CLTCL1: variants seen among roughly 807,000 people sequenced by gnomAD.
CLTCL1 encodes the protein clathrin heavy chain like 1, also known as clathrin heavy chain 2.
A neutral mutation model predicts 190.0 loss-of-function variants in CLTCL1; 159 were observed. That is an observed-to-expected ratio of 0.84 (90% CI 0.74 to 0.95). CLTCL1 has a LOEUF of 0.95. CLTCL1 is among the 40% of genes least tolerant of loss of function. The pLI, the probability that CLTCL1 is intolerant of heterozygous loss-of-function variation, is 0.00. For missense variants in CLTCL1, 1,878 were observed against 2,033.4 expected, an observed-to-expected ratio of 0.92 and a Z score of 1.47; for synonymous variants, 752 against 769.6, an observed-to-expected ratio of 0.98 and a Z score of 0.38.
At chr22:19,193,354 G>A (rs1601463335) in intron 26 of CLTCL1, among the ~76,000 whole-genome samples, 1 of 152,334 alleles carries the variant, frequency 6.6e-6, no homozygotes, top group Admixed American at 6.5e-5. Context: ...ACACATCTCT[G>A]TTGGGCTCAG....
At chr22:19,275,361 T>C (rs1047122616) in intron 2 of CLTCL1, among the ~76,000 whole-genome samples, 4 of 150,784 alleles carry the variant, frequency 2.7e-5, no homozygotes, top group African/African-American at 9.8e-5. Flanking sequence ...TGTGCGTTCC[T>C]AGTCGCATGA....
At chr22:19,254,309 C>A (rs777296072) in intron 2 of CLTCL1, 82 bp from the exon 3 acceptor site, 3 of 1,193,914 alleles carry the variant, frequency 2.5e-6, no homozygotes, top group Non-Finnish European at 3.5e-6. Context: ...ATTCTGAATT[C>A]TTTTAATATT....
At chr22:19,220,362 A>G (rs2085528928) in intron 17 of CLTCL1, among the ~76,000 whole-genome samples, 2 of 152,214 alleles carry the variant, frequency 1.3e-5, no homozygotes, top group African/African-American at 4.8e-5. Flanking sequence ...GACAGGAACT[A>G]AACTGGTAAT....
intron 26 of CLTCL1, among the ~76,000 whole-genome samples, chr22:19,195,583 A>G (rs1316583288): frequency 2.0e-5 from 3 of 152,178 alleles, no homozygotes; most frequent in South Asian, 2.1e-4. Flanking sequence ...CAGATACCCA[A>G]TGCAAAGGGA....
intron 3 of CLTCL1, among the ~76,000 whole-genome samples, chr22:19,245,427 C>T (rs1307593413): frequency 6.6e-6 from 1 of 152,102 alleles, no homozygotes; most frequent in Non-Finnish European, 1.5e-5. Flanking sequence ...CTCCTGATCT[C>T]ATGATCTGTC....
intron 1 of CLTCL1, among the ~76,000 whole-genome samples, chr22:19,278,934 G>T (rs1334043607): frequency 6.6e-6 from 1 of 152,080 alleles, no homozygotes; most frequent in East Asian, 1.9e-4. Context: ...TAGAGACGGG[G>T]TTTCACCATG....
chr22:19,290,805 T>C (rs1601761424), intron 1 of CLTCL1, among the ~76,000 whole-genome samples: 1 of 152,224 alleles, frequency 6.6e-6, no homozygotes, highest in African/African-American at 2.4e-5. Context: ...TTAACACTTT[T>C]GAGACTCGGT....
At chr22:19,271,317 T>C (rs1051891311) in intron 2 of CLTCL1, among the ~76,000 whole-genome samples, 7 of 152,288 alleles carry the variant, frequency 4.6e-5, no homozygotes, top group South Asian at 2.1e-4. Context: ...GACTGGATCA[T>C]GGAGGCAGAT....
At chr22:19,230,183 G>GC (rs202117027) in intron 10 of CLTCL1, among the ~76,000 whole-genome samples, 7,165 of 145,012 alleles carry the variant, frequency 0.049, 239 homozygotes, top group African/African-American at 0.097. Flanking sequence ...TCCAATCTCT[G>GC]CCCTCCACCT....
In CLTCL1 at chr22:19,291,675, G is replaced by T; in HGVS notation, c.-34C>A. On this transcript the variant is annotated 5_prime_UTR_variant, in exon 1 of 33. In the 5' UTR this introduces an upstream ATG that the reference lacks. Transcript: ENST00000427926. ...CGGGACCTCGGCGGCGGCGGCGGCA[G>T]CGGCAGGAATGAACGCCGACCCCTC... The T allele has an allele frequency of 7.4e-7, 1 of 1,350,952 alleles. No homozygotes were observed. Among genetic ancestry groups the T allele is most frequent in the Non-Finnish European group, 9.6e-7 (1 of 1,039,792 alleles). 83.7% of individuals were successfully genotyped at this position (1,350,952 alleles called of 1,614,324 possible).
rs2088132645 is a variant in CLTCL1 at position 19,291,661 on chromosome 22, C to T, written c.-20G>A. ...CGCCATGGCTGGTGCGGGACCTCGG[C>T]GGCGGCGGCGGCAGCGGCAGGAATG... is the stretch of plus-strand genomic sequence containing the variant. On this transcript the variant is annotated 5_prime_UTR_variant, in exon 1 of 33. Coordinates refer to ENST00000427926, the MANE Select transcript of CLTCL1 (RefSeq NM_007098.4). 3 of 1,365,210 alleles carry T rather than the reference C, an allele frequency of 2.2e-6. No homozygotes were observed. The highest frequency in any genetic ancestry group is 3.1e-5 in the Admixed American group (1 of 32,184). The allele number at this position is 1,365,210 out of a possible 1,614,324, so 84.6% of individuals were successfully genotyped here.
chr22:19,276,818 C>G (rs556874744), intron 1 of CLTCL1, among the ~76,000 whole-genome samples: 1 of 152,186 alleles, frequency 6.6e-6, no homozygotes, highest in East Asian at 1.9e-4. Flanking sequence ...TTCAGGCGCC[C>G]GCCACCACGC....
chr22:19,215,809 T>G (rs1555949136), intron 19 of CLTCL1, among the ~76,000 whole-genome samples: 1 of 152,196 alleles, frequency 6.6e-6, no homozygotes, highest in East Asian at 1.9e-4. Flanking sequence ...ACATGAGACC[T>G]TCATAAAATG....
intron 29 of CLTCL1, among the ~76,000 whole-genome samples, chr22:19,185,340 T>C (rs76382516): frequency 6.6e-6 from 1 of 151,226 alleles, no homozygotes. Flanking sequence ...TTTTTTTTTT[T>C]TCTTGAGACG....
intron 19 of CLTCL1, 80 bp downstream of exon 19, chr22:19,216,031 C>T (rs1555949217): frequency 1.2e-5 from 17 of 1,404,452 alleles, no homozygotes; most frequent in Non-Finnish European, 1.5e-5. Flanking sequence ...TGAAGCGGTA[C>T]GAGATTGTAA....
At chr22:19,279,136 A>C (rs782484778) in intron 1 of CLTCL1, among the ~76,000 whole-genome samples, 6 of 151,998 alleles carry the variant, frequency 3.9e-5, no homozygotes, top group Admixed American at 6.6e-5. Flanking sequence ...TTATGTATTT[A>C]TGTATTTATT....
intron 3 of CLTCL1, among the ~76,000 whole-genome samples, chr22:19,248,634 A>G (rs868941982): frequency 2.0e-5 from 3 of 152,346 alleles, no homozygotes; most frequent in Middle Eastern, 3.4e-3. Flanking sequence ...TATCCTGAAC[A>G]TTTCAAATAA....
At position 19,229,642 on chromosome 22, in the gene CLTCL1, T is replaced by A. The variant is rs930210990; in HGVS notation, c.1782+196A>T. ...GAAGAAATGCTGCCCTAATTAGAAC[T>A]GTTTCCATGAAAGTCCTGTATCATG... On this transcript the variant is annotated intron_variant, in intron 11 of 32. Coordinates refer to ENST00000427926, the MANE Select transcript of CLTCL1 (RefSeq NM_007098.4). 3.3e-5 allele frequency among the ~76,000 whole-genome samples: 5 copies of A among 152,228 alleles called. No homozygotes were observed. In the East Asian group the frequency reaches 9.6e-4, roughly 29 times the overall value.
chr22:19,270,501 G>A (rs1204005246), intron 2 of CLTCL1, among the ~76,000 whole-genome samples: 1 of 151,702 alleles, frequency 6.6e-6, no homozygotes, highest in Non-Finnish European at 1.5e-5. Context: ...GCTGAGGCAG[G>A]TGGATCACAA....
Sources: allele counts gnomAD v4.1 joint callset (sites outside exome capture counted in the v4.1 genomes callset), GRCh38; gene constraint gnomAD v4.1.1; transcripts MANE v1.5; gene names NCBI Gene and HGNC (gene_info 2026-07-23, HGNC 2026-07-21).